The following EPB41L4A variants were observed in gnomAD, a reference collection of about 807,000 sequenced individuals.
The protein encoded by EPB41L4A is erythrocyte membrane protein band 4.1 like 4A, also known as band 4.1-like protein 4A.
Under a neutral mutation model 108.6 loss-of-function variants are expected in EPB41L4A, and 100 were observed. That is an observed-to-expected ratio of 0.92 (90% CI 0.78 to 1.09). EPB41L4A has a LOEUF of 1.09. EPB41L4A is among the 50% of genes least tolerant of loss of function. The pLI, the probability that EPB41L4A is intolerant of heterozygous loss-of-function variation, is 0.00. For synonymous variants in EPB41L4A, 319 were observed against 289.0 expected (o/e 1.10, Z -1.05); for missense variants, 1,030 against 842.7 (o/e 1.22, Z -2.75).
At chr5:112,306,948 A>C (rs1042582621) in intron 2 of EPB41L4A, among the ~76,000 whole-genome samples, 1 of 151,994 alleles carries the variant, frequency 6.6e-6, no homozygotes, top group African/African-American at 2.4e-5. Context: ...AGCTCATCTC[A>C]CTTATAAAAC....
intron 1 of EPB41L4A, among the ~76,000 whole-genome samples, chr5:112,412,066 C>A (rs1471779445): frequency 6.6e-6 from 1 of 152,194 alleles, no homozygotes; most frequent in African/African-American, 2.4e-5. Context: ...CCCGAGGGCT[C>A]AGAAGGTGTC....
At chr5:112,327,775 A>G (rs1434635774) in intron 1 of EPB41L4A, among the ~76,000 whole-genome samples, 2 of 152,126 alleles carry the variant, frequency 1.3e-5, no homozygotes, top group Non-Finnish European at 2.9e-5. Flanking sequence ...GAAGCACTGC[A>G]CCTACAGTAA....
At chr5:112,154,125 G>C (rs1367411135) in intron 12 of EPB41L4A, among the ~76,000 whole-genome samples, 1 of 152,092 alleles carries the variant, frequency 6.6e-6, no homozygotes, top group Non-Finnish European at 1.5e-5. Context: ...TGTAAGTGTG[G>C]ATATAAACTG....
At chr5:112,151,465 T>G (rs1017767045) in intron 12 of EPB41L4A, among the ~76,000 whole-genome samples, 18 of 151,814 alleles carry the variant, frequency 1.2e-4, no homozygotes, top group Non-Finnish European at 5.9e-5. Context: ...TGGAGTGCAG[T>G]GGTGCAATCT....
intron 11 of EPB41L4A, among the ~76,000 whole-genome samples, chr5:112,236,723 C>T (rs901714170): frequency 3.3e-5 from 5 of 152,170 alleles, no homozygotes; most frequent in African/African-American, 1.2e-4. Context: ...CCCCTTCAGC[C>T]TCTAAGTGAG....
At chr5:112,346,396 G>C (rs1016757055) in intron 1 of EPB41L4A, among the ~76,000 whole-genome samples, 1 of 151,354 alleles carries the variant, frequency 6.6e-6, no homozygotes, top group African/African-American at 2.4e-5. Context: ...GCTAATTTTT[G>C]TATTTTTAGT....
intron 12 of EPB41L4A, among the ~76,000 whole-genome samples, chr5:112,146,775 G>A (rs572672863): frequency 6.6e-6 from 1 of 152,128 alleles, no homozygotes; most frequent in African/African-American, 2.4e-5. Flanking sequence ...TGAAGCACCA[G>A]CTTTATCCTC....
chr5:112,219,777 C>G (rs928578541), intron 12 of EPB41L4A, among the ~76,000 whole-genome samples: 5 of 152,204 alleles, frequency 3.3e-5, no homozygotes, highest in Non-Finnish European at 5.9e-5. Context: ...CTCACTGCAA[C>G]TTCCATCTTC....
At chr5:112,376,285 A>G (rs1759816424) in intron 1 of EPB41L4A, among the ~76,000 whole-genome samples, 1 of 152,260 alleles carries the variant, frequency 6.6e-6, no homozygotes, top group South Asian at 2.1e-4. Flanking sequence ...GATGTTCCAC[A>G]TAATTAGCCA....
intron 2 of EPB41L4A, among the ~76,000 whole-genome samples, chr5:112,288,126 T>C (rs893090769): frequency 1.3e-5 from 2 of 152,110 alleles, no homozygotes; most frequent in Admixed American, 6.5e-5. Flanking sequence ...TTAGATGTAA[T>C]ACAATTTATA....
chr5:112,190,776 G>A (rs114317571), intron 17 of EPB41L4A, among the ~76,000 whole-genome samples: 2 of 152,158 alleles, frequency 1.3e-5, no homozygotes, highest in Non-Finnish European at 2.9e-5. Flanking sequence ...AGTTGCCCAA[G>A]GTCAAGTATC....
At chr5:112,234,064 A>C (rs1749149568) in intron 12 of EPB41L4A, among the ~76,000 whole-genome samples, 1 of 151,850 alleles carries the variant, frequency 6.6e-6, no homozygotes, top group Non-Finnish European at 1.5e-5. Flanking sequence ...CATGCCTGTA[A>C]TCCTAGCACT....
intron 1 of EPB41L4A, among the ~76,000 whole-genome samples, chr5:112,353,777 A>G (rs60836718): frequency 0.07 from 10,580 of 152,224 alleles, 1,018 homozygotes; most frequent in African/African-American, 0.22. Context: ...CTTGGGTGCT[A>G]GCAGCAGACA....
intron 9 of EPB41L4A, among the ~76,000 whole-genome samples, chr5:112,248,785 A>AAGGGCTC (rs1750423039): frequency 6.6e-6 from 1 of 152,158 alleles, no homozygotes; most frequent in South Asian, 2.1e-4. Flanking sequence ...AGGATCAGTG[A>AAGGGCTC]AGGGCTCACG....
chr5:112,166,399 T>A (rs1659056614), intron 22 of EPB41L4A, among the ~76,000 whole-genome samples: 1 of 152,206 alleles, frequency 6.6e-6, no homozygotes, highest in South Asian at 2.1e-4. Flanking sequence ...AGTCCCTGTG[T>A]TATCTGCCTT....
At chr5:112,154,345 A>G (rs564973944) in intron 12 of EPB41L4A, among the ~76,000 whole-genome samples, 2 of 152,322 alleles carry the variant, frequency 1.3e-5, no homozygotes, top group South Asian at 4.1e-4. Flanking sequence ...TATAGTTCCC[A>G]CTACTTATAA....
chr5:112,405,008 A>C (rs1019308498), intron 1 of EPB41L4A, among the ~76,000 whole-genome samples: 20 of 152,228 alleles, frequency 1.3e-4, no homozygotes, highest in Non-Finnish European at 1.5e-5. Flanking sequence ...TCTGTCTTCC[A>C]GATGGCTTCA....
At chr5:112,219,919 C>T (rs187516706) in intron 12 of EPB41L4A, among the ~76,000 whole-genome samples, 5 of 152,284 alleles carry the variant, frequency 3.3e-5, no homozygotes, top group Admixed American at 1.3e-4. Context: ...TGGTCTTGAA[C>T]TCCTGACCTC....
At chr5:112,326,181 CACCAA>C (rs1205850459) in intron 1 of EPB41L4A, among the ~76,000 whole-genome samples, 1 of 152,058 alleles carries the variant, frequency 6.6e-6, no homozygotes, top group Non-Finnish European at 1.5e-5. Flanking sequence ...TTAAACTATA[CACCAA>C]ACCATTCGAA....
Sources: gnomAD v4.1 joint callset for allele counts (sites outside exome capture counted in the v4.1 genomes callset) on GRCh38, gnomAD v4.1.1 for gene constraint, MANE v1.5 for transcripts, NCBI Gene and HGNC (gene_info 2026-07-23, HGNC 2026-07-21) for gene names.